The following PIEZO2 variants were observed in gnomAD, a reference collection of about 807,000 sequenced individuals.
The protein encoded by PIEZO2 is piezo type mechanosensitive ion channel component 2.
In PIEZO2, 172 loss-of-function variants were observed where a neutral mutation model predicts 337.3. That is an observed-to-expected ratio of 0.51 (90% confidence interval 0.45 to 0.58). The LOEUF is 0.58. Ranked by LOEUF, PIEZO2 falls within the 20% of genes least tolerant of loss-of-function variation. PIEZO2 has a pLI of 0.00. For synonymous variants in PIEZO2, 1,251 were observed against 1,228.5 expected (o/e 1.02, Z -0.38); for missense variants, 3,028 against 3,391.3 (o/e 0.89, Z 2.66).
chr18:10,852,069 T>G (rs1228451974), intron 7 of PIEZO2, among the ~76,000 whole-genome samples: 1 of 152,218 alleles, frequency 6.6e-6, no homozygotes, highest in East Asian at 1.9e-4. Flanking sequence ...CAAAACTTTT[T>G]GCTATATGTG....
chr18:10,916,383 CG>C (rs1274138926), intron 3 of PIEZO2, among the ~76,000 whole-genome samples: 13 of 152,128 alleles, frequency 8.5e-5, no homozygotes, highest in African/African-American at 2.9e-4. Context: ...CAGCCAACCG[CG>C]GTAGGGCTCA....
At chr18:11,138,494 C>G (rs546451055) in intron 1 of PIEZO2, among the ~76,000 whole-genome samples, 1 of 152,176 alleles carries the variant, frequency 6.6e-6, no homozygotes, top group Non-Finnish European at 1.5e-5. Context: ...GAGGTTTCCC[C>G]ATGTTGCCCA....
At position 10,850,173 on chromosome 18, in the gene PIEZO2, C is replaced by T. The variant is rs1254984545; in HGVS notation, c.917+5180G>A. The stretch of plus-strand genomic sequence containing the variant: ...GGGAATCACTAATTCTCACCCTCTC[C>T]TGGATAAAAGTAATGCAAAAACTCA... On this transcript the variant is annotated intron_variant, in intron 7 of 55. Transcript: ENST00000674853. This position sits in a 1 kb window ranked among gnomAD's most constrained non-coding sequence, Gnocchi z 4.5. Among the ~76,000 whole-genome samples, 1 of 152,158 alleles carries T rather than the reference C, an allele frequency of 6.6e-6. No individual in the cohort carries two copies.
intron 48 of PIEZO2, among the ~76,000 whole-genome samples, chr18:10,690,373 C>T (rs1226083923): frequency 6.6e-6 from 1 of 152,154 alleles, no homozygotes; most frequent in Non-Finnish European, 1.5e-5. Context: ...GAAGAATTTT[C>T]CTTGTCTCTT....
chr18:10,762,545 C>G lies in PIEZO2; in HGVS notation c.3204G>C (p.Glu1068Asp). Residue 1068 changes from glutamate (E) to aspartate (D), a missense_variant, in exon 23 of 56, where the codon GAG (glutamate) becomes GAC (aspartate). Physicochemically the swap from Glu to Asp is conservative, Grantham distance 45. Transcript: ENST00000674853. ...GCGAAGACTTCCGCAGGCCGACCCA[C>G]TCTGTAGGATCGATAGGAGCGCTGT... ...LLYSAPIDPT[E>D]WVGLRKSSPL... 1.3e-6 allele frequency: 2 copies of G among 1,537,372 alleles called. No individual in the cohort carries two copies. Among genetic ancestry groups the G allele is most frequent in the Non-Finnish European group, 1.7e-6 (2 of 1,146,944 alleles).
Position 10,673,483 on chromosome 18 carries a change from C to A in PIEZO2, c.8162-610G>T, listed in dbSNP as rs148993372. The stretch of plus-strand genomic sequence containing the variant: ...AGGAGATAACTTCTGAGCTGAGATT[C>A]GCCAAGTGAGAACTTCAATAGGTGA... On this transcript the variant is annotated intron_variant, in intron 54 of 55. Coordinates refer to ENST00000674853, the MANE Select transcript of PIEZO2 (RefSeq NM_001378183.1). The surrounding 1 kb of genome is among the most constrained non-coding windows in gnomAD (Gnocchi z 4.8). 9.2e-5 allele frequency among the ~76,000 whole-genome samples: 14 copies of A among 152,210 alleles called. No homozygotes were observed. The highest frequency in any genetic ancestry group is 1.8e-4 in the Non-Finnish European group (12 of 68,018).
At chr18:11,122,011 T>C (rs1332126708) in intron 1 of PIEZO2, among the ~76,000 whole-genome samples, 6 of 152,192 alleles carry the variant, frequency 3.9e-5, no homozygotes, top group Non-Finnish European at 8.8e-5. Flanking sequence ...TGGAGTGCAG[T>C]GGCGCTATCT....
chr18:10,718,232 T>A lies in PIEZO2; in HGVS notation c.5057A>T (p.Asp1686Val). Residue 1686 changes from aspartate to valine, a missense_variant, in exon 37 of 56, where the codon GAT (aspartate) becomes GTT (valine). Asp to Val is a radical substitution (Grantham distance 152). This residue lies in a region of PIEZO2 where 1,925 missense variants were observed against 2,051.9 expected (regional missense o/e 0.94). Coordinates refer to ENST00000674853, the MANE Select transcript of PIEZO2 (RefSeq NM_001378183.1). ...EGPVEWEDRE[D>V]EPIKKKSDGP... is the part of the protein sequence containing the mutation. ...ATCGGATTTCTTTTTGATTGGTTCA[T>A]CCTCCCGGTCTTCCCATTCCACAGG... The A allele has an allele frequency of 1.3e-6, 2 of 1,537,112 alleles. No individual in the cohort carries two copies. The highest frequency in any genetic ancestry group is 1.7e-6 in the Non-Finnish European group (2 of 1,146,768).
In PIEZO2 at chr18:10,740,984, A is replaced by T. The variant is rs1568005773; in HGVS notation, c.4708+47T>A. ...GAACGCCTGAATTCTGGTCAAGGAT[A>T]TAAGGGTTAGAGTCGATGAGGTTGT... On this transcript the variant is annotated intron_variant, in intron 33 of 55. Coordinates refer to ENST00000674853, the MANE Select transcript of PIEZO2 (RefSeq NM_001378183.1). 4 of 1,508,884 alleles carry T rather than the reference A, an allele frequency of 2.7e-6. No homozygotes were observed. The East Asian group carries it at 9.8e-5, about 37-fold the overall frequency. 93.5% of individuals were successfully genotyped at this position (1,508,884 alleles called of 1,614,324 possible). A position where few individuals can be genotyped will look rare whatever the true frequency, so the allele number is the denominator to read the frequency against.
intron 4 of PIEZO2, among the ~76,000 whole-genome samples, chr18:10,898,693 G>C (rs1314369115): frequency 2.0e-5 from 3 of 152,156 alleles, no homozygotes; most frequent in Non-Finnish European, 4.4e-5. Flanking sequence ...TTAAGATCAG[G>C]GGAAGGGCCA....
rs1189217256 is a variant in PIEZO2 at position 10,766,377 on chromosome 18, A to G, written c.2947-3279T>C. Among the ~76,000 whole-genome samples, 2 of 152,188 alleles carry G rather than the reference A, an allele frequency of 1.3e-5. No homozygotes were observed. Among genetic ancestry groups the G allele is most frequent in the Non-Finnish European group, 1.5e-5 (1 of 68,026 alleles). On this transcript the variant is annotated intron_variant, in intron 21 of 55. Transcript: ENST00000674853. This position sits in a 1 kb window ranked among gnomAD's most constrained non-coding sequence, Gnocchi z 6.1. ...GACTATGACAAATACCTGGGCCACA[A>G]CCAACACCTGATGAATTAGAATTTT...
chr18:10,731,177 T>TAGATATATA (rs1555633703), intron 36 of PIEZO2, among the ~76,000 whole-genome samples: 17 of 35,234 alleles, frequency 4.8e-4, no homozygotes, highest in African/African-American at 2.2e-3. Context: ...ACTTAAAAGA[T>TAGATATATA]TATATATATA....
At chr18:11,018,816 A>G (rs896815082) in intron 2 of PIEZO2, among the ~76,000 whole-genome samples, 2 of 152,136 alleles carry the variant, frequency 1.3e-5, no homozygotes, top group Non-Finnish European at 2.9e-5. Context: ...ATACCCACAT[A>G]TCTTTTTGAG....
rs1473661989 is a variant in PIEZO2, at chr18:10,673,173, G to A, written c.8162-300C>T. On this transcript the variant is annotated intron_variant, in intron 54 of 55. Coordinates refer to ENST00000674853, the MANE Select transcript of PIEZO2 (RefSeq NM_001378183.1). This position sits in a 1 kb window ranked among gnomAD's most constrained non-coding sequence, Gnocchi z 4.8. ...AGCAGCTGAGCTGATAATCCCAAATGACTCTGTAGACATTTAAAAACCCAA... is the reference window on the plus strand; with the variant it reads ...AGCAGCTGAGCTGATAATCCCAAATAACTCTGTAGACATTTAAAAACCCAA... Among the ~76,000 whole-genome samples, 1 of 152,144 alleles carries A rather than the reference G, an allele frequency of 6.6e-6. No homozygotes were observed. Among genetic ancestry groups the A allele is most frequent in the Non-Finnish European group, 1.5e-5 (1 of 68,022 alleles).
At position 10,724,705 on chromosome 18, in the gene PIEZO2, C is replaced by A. The variant is rs1482064960; in HGVS notation, c.5030-6446G>T. 2.3e-6 allele frequency: 3 copies of A among 1,292,272 alleles called. No homozygotes were observed. The highest frequency in any genetic ancestry group is 3.2e-6 in the Non-Finnish European group (3 of 927,040). The allele number at this position is 1,292,272 out of a possible 1,614,324, so 80.1% of individuals were successfully genotyped here. A position where few individuals can be genotyped will look rare whatever the true frequency, so the allele number is the denominator to read the frequency against. ...GCTGTCCCTGCGTCATAGGCTGAAG[C>A]ACTCAGACCGAGATGGGCCACCACT... On this transcript the variant is annotated intron_variant, in intron 36 of 55. Transcript: ENST00000674853. This position sits in a 1 kb window ranked among gnomAD's most constrained non-coding sequence, Gnocchi z 5.8.
chr18:10,751,553 C>G (rs1270978479), intron 28 of PIEZO2, among the ~76,000 whole-genome samples: 1 of 152,198 alleles, frequency 6.6e-6, no homozygotes, highest in African/African-American at 2.4e-5. Flanking sequence ...AATACCTATT[C>G]ATGGCTACAT....
Position 10,904,483 on chromosome 18 carries a change from T to C in PIEZO2, c.329+6703A>G, listed in dbSNP as rs570903316. Among the ~76,000 whole-genome samples the C allele has an allele frequency of 2.3e-3, 351 of 152,328 alleles. 2 individuals carry two copies. The highest frequency in any genetic ancestry group is 7.1e-3 in the African/African-American group (297 of 41,564). On this transcript the variant is annotated intron_variant, in intron 4 of 55. Transcript: ENST00000674853. ...CTTACGACGGTCTTCTATATCCCTG[T>C]GTGTGATGTGTGGCTTAGAGTGGAA...
At chr18:10,744,550 G>T (rs191973386) in intron 30 of PIEZO2, among the ~76,000 whole-genome samples, 4 of 152,268 alleles carry the variant, frequency 2.6e-5, no homozygotes, top group Admixed American at 2.6e-4. Context: ...CTGAACGTTA[G>T]ACTTCAGTAA....
chr18:10,859,943 T>A lies in PIEZO2; in HGVS notation c.493-2732A>T, dbSNP rs184099844. On this transcript the variant is annotated intron_variant, in intron 5 of 55. Transcript: ENST00000674853. The surrounding 1 kb of genome is among the most constrained non-coding windows in gnomAD (Gnocchi z 4.9). ...CTGTTTTGGAGGTTAGATTAGTAGG[T>A]GCAGCTAGGAAGTTTAAAGTGGGGA... Among the ~76,000 whole-genome samples, 479 of 152,168 alleles carry A rather than the reference T, an allele frequency of 3.1e-3. 2 individuals carry two copies. Among genetic ancestry groups the A allele is most frequent in the African/African-American group, 0.01 (421 of 41,502 alleles).
Sources: gnomAD v4.1 joint callset for allele counts (sites outside exome capture counted in the v4.1 genomes callset) on GRCh38, gnomAD v4.1.1 for gene constraint, gnomAD v4.1.1 regional missense constraint, Gnocchi (gnomAD v3.1) non-coding constraint, MANE v1.5 for transcripts, NCBI Gene and HGNC (gene_info 2026-07-23, HGNC 2026-07-21) for gene names.